The following CPPED1 variants were observed in gnomAD, a reference collection of about 807,000 sequenced individuals.
The protein encoded by CPPED1 is serine/threonine-protein phosphatase CPPED1.
A neutral mutation model predicts 28.0 loss-of-function variants in CPPED1; 28 were observed. That is an observed-to-expected ratio of 1.00 (90% confidence interval 0.74 to 1.37). The LOEUF is 1.37. CPPED1 is among the 40% of genes most tolerant of loss of function. CPPED1 has a pLI of 0.00. For synonymous variants in CPPED1, 198 were observed against 180.2 expected (o/e 1.10, Z -0.79); for missense variants, 504 against 416.5 (o/e 1.21, Z -1.83).
chr16:12,732,494 GGAGA>G (rs35298221), intron 2 of CPPED1, among the ~76,000 whole-genome samples: 143 of 144,896 alleles, frequency 9.9e-4, no homozygotes, highest in Admixed American at 6.4e-3. Context: ...ACACACAGAT[GGAGA>G]GAGAGAGAGA....
intron 2 of CPPED1, among the ~76,000 whole-genome samples, chr16:12,707,322 C>T (rs751556190): frequency 2.2e-4 from 34 of 152,200 alleles, no homozygotes; most frequent in Non-Finnish European, 4.0e-4. Context: ...CTTAGCACTT[C>T]CTACAGGCCA....
intron 2 of CPPED1, among the ~76,000 whole-genome samples, chr16:12,766,496 T>G (rs1484159251): frequency 2.0e-5 from 3 of 151,870 alleles, no homozygotes; most frequent in African/African-American, 7.3e-5. Context: ...AACCATCAGA[T>G]CTCGTAGTAT....
intron 2 of CPPED1, among the ~76,000 whole-genome samples, chr16:12,744,219 T>G (rs1356915825): frequency 6.7e-6 from 1 of 149,004 alleles, no homozygotes; most frequent in Non-Finnish European, 1.5e-5. Flanking sequence ...GAGCTTGCAG[T>G]GAGATTGTGC....
intron 1 of CPPED1, among the ~76,000 whole-genome samples, chr16:12,792,167 G>T (rs1216554682): frequency 6.6e-6 from 1 of 152,078 alleles, no homozygotes; most frequent in African/African-American, 2.4e-5. Flanking sequence ...TGGCCAGACT[G>T]GTCTCAAACT....
intron 3 of CPPED1, among the ~76,000 whole-genome samples, chr16:12,696,161 G>T (rs1207010906): frequency 2.0e-5 from 3 of 152,132 alleles, no homozygotes; most frequent in African/African-American, 7.2e-5. Context: ...TTTGCATTTT[G>T]AACAGAGTTG....
At position 12,769,790 on chromosome 16, in the gene CPPED1, T is replaced by G. The variant is rs138952117; in HGVS notation, c.289+11395A>C. ...GACAGCCCCGGCCCATTCCAGAGGC[T>G]GGTGATATTTCAACTATGGCATCAC... On this transcript the variant is annotated intron_variant, in intron 2 of 3. Coordinates refer to ENST00000381774, the MANE Select transcript of CPPED1 (RefSeq NM_018340.3). Among the ~76,000 whole-genome samples, 678 of 152,268 alleles carry G rather than the reference T, an allele frequency of 4.5e-3. 9 individuals are homozygous for G. Among genetic ancestry groups the G allele is most frequent in the African/African-American group, 0.015 (640 of 41,550 alleles).
At chr16:12,720,290 A>G (rs879806087) in intron 2 of CPPED1, 13 of 154,272 alleles carry the variant, frequency 8.4e-5, no homozygotes, top group Non-Finnish European at 1.6e-4. Context: ...TAAAAATACA[A>G]AAGTGTCAGC....
chr16:12,759,757 T>C (rs1019591580), intron 2 of CPPED1, among the ~76,000 whole-genome samples: 6 of 152,234 alleles, frequency 3.9e-5, no homozygotes, highest in Non-Finnish European at 8.8e-5. Flanking sequence ...CTCTCTCTCC[T>C]GACGCCTTGT....
intron 2 of CPPED1, among the ~76,000 whole-genome samples, chr16:12,721,244 T>C (rs1329333323): frequency 6.6e-6 from 1 of 152,152 alleles, no homozygotes; most frequent in Non-Finnish European, 1.5e-5. Context: ...AACTTAGTAC[T>C]TACCTGCCAA....
intron 2 of CPPED1, among the ~76,000 whole-genome samples, chr16:12,740,132 G>A (rs571894280): frequency 6.7e-6 from 1 of 149,938 alleles, no homozygotes; most frequent in African/African-American, 2.5e-5. Context: ...AAGAAAGAGC[G>A]AGCCAGCCCT....
chr16:12,705,177 G>GAAACTGC, intron 2 of CPPED1, 128 bp from the exon 3 acceptor site: 1 of 1,024,590 alleles, frequency 9.8e-7, no homozygotes, highest in Non-Finnish European at 1.4e-6. Context: ...CTAGCACATG[G>GAAACTGC]AAACTGCAAA....
chr16:12,738,889 C>A (rs960189263), intron 2 of CPPED1, among the ~76,000 whole-genome samples: 31 of 152,250 alleles, frequency 2.0e-4, no homozygotes, highest in Middle Eastern at 3.4e-3. Flanking sequence ...AGCAGCTAAA[C>A]CCTGGCAGGC....
intron 2 of CPPED1, among the ~76,000 whole-genome samples, chr16:12,744,270 A>AAG (rs112990748): frequency 3.6e-4 from 50 of 140,008 alleles, no homozygotes; most frequent in Middle Eastern, 3.5e-3. Context: ...GACTCTGTGA[A>AAG]AGAGAGAGAG....
Position 12,777,294 on chromosome 16 carries a change from T to C in CPPED1, c.289+3891A>G, listed in dbSNP as rs549586167. ...TGTATATGTTAGTAACAAACTGTTC[T>C]AAAGGCTCAAAGGAATCTCTTGCAC... On this transcript the variant is annotated intron_variant, in intron 2 of 3. Coordinates refer to ENST00000381774, the MANE Select transcript of CPPED1 (RefSeq NM_018340.3). 2.0e-5 allele frequency among the ~76,000 whole-genome samples: 3 copies of C among 152,346 alleles called. No homozygotes were observed. In the South Asian group the frequency reaches 6.2e-4, roughly 32 times the overall value.
intron 2 of CPPED1, among the ~76,000 whole-genome samples, chr16:12,777,903 C>CTTTTTTTTT (rs67527035): frequency 7.1e-5 from 9 of 126,600 alleles, no homozygotes; most frequent in Non-Finnish European, 1.2e-4. Flanking sequence ...TTTCTATTTT[C>CTTTTTTTTT]TTTTTTTTTT....
chr16:12,739,955 A>T (rs1045186184), intron 2 of CPPED1, among the ~76,000 whole-genome samples: 3 of 152,102 alleles, frequency 2.0e-5, no homozygotes, highest in African/African-American at 7.2e-5. Flanking sequence ...ACTGGTCATG[A>T]CAGTGTAAAC....
chr16:12,753,276 A>G (rs2080342512), intron 2 of CPPED1: 1 of 152,182 alleles, frequency 6.6e-6, no homozygotes, highest in African/African-American at 2.4e-5. Context: ...GTCTGTCCCC[A>G]GCAGAGCTAA....
chr16:12,781,868 T>C (rs2080533755), intron 1 of CPPED1, among the ~76,000 whole-genome samples: 1 of 152,120 alleles, frequency 6.6e-6, no homozygotes, highest in Non-Finnish European at 1.5e-5. Context: ...TCGGGGGATG[T>C]GACAGAATTT....
intron 3 of CPPED1, among the ~76,000 whole-genome samples, chr16:12,687,730 A>G (rs1006869801): frequency 3.9e-5 from 6 of 152,158 alleles, no homozygotes; most frequent in Non-Finnish European, 2.9e-5. Context: ...TAGAGGAAAG[A>G]GAGGCACCAG....
Sources: gnomAD v4.1 joint callset for allele counts (sites outside exome capture counted in the v4.1 genomes callset) on GRCh38, gnomAD v4.1.1 for gene constraint, MANE v1.5 for transcripts, NCBI Gene and HGNC (gene_info 2026-07-23, HGNC 2026-07-21) for gene names.